Variants in IMMP2L observed in about 807,000 individuals in gnomAD.
IMMP2L encodes inner mitochondrial membrane peptidase subunit 2.
IMMP2L carries 18 observed loss-of-function variants against 19.3 expected under a neutral mutation model. That is an observed-to-expected ratio of 0.93 (90% CI 0.64 to 1.38). The LOEUF (loss-of-function observed/expected upper bound fraction) is 1.38, where lower values mean the gene tolerates loss of function less well. Among genes scored for constraint, IMMP2L ranks in the 40% most tolerant of loss-of-function variants. The pLI, the probability that IMMP2L is intolerant of heterozygous loss-of-function variation, is 0.00. For missense variants in IMMP2L, 233 were observed against 218.2 expected, an observed-to-expected ratio of 1.07 and a Z score of -0.43; for synonymous variants, 76 against 73.0, an observed-to-expected ratio of 1.04 and a Z score of -0.21.
At chr7:111,338,871 C>A (rs764119272) in intron 3 of IMMP2L, among the ~76,000 whole-genome samples, 13 of 152,188 alleles carry the variant, frequency 8.5e-5, no homozygotes, top group Admixed American at 1.3e-4. Context: ...TTGCAGTTGG[C>A]AACAAGCTTC....
intron 5 of IMMP2L, among the ~76,000 whole-genome samples, chr7:110,830,400 A>C (rs551299686): frequency 6.6e-6 from 1 of 152,226 alleles, no homozygotes; most frequent in African/African-American, 2.4e-5. Context: ...TTCTAAAAAA[A>C]AACAGTCTAT....
At position 110,854,793 on chromosome 7, in the gene IMMP2L, G is replaced by A. The variant is rs191291411; in HGVS notation, c.408+31800C>T. ...TTGCTTGAGTCTCTAATAACTGCTC[G>A]TTTACTCATCTCTGCCTCATACTAG... is the stretch of plus-strand genomic sequence containing the variant. On this transcript the variant is annotated intron_variant, in intron 5 of 5. Coordinates refer to ENST00000405709, the MANE Select transcript of IMMP2L (RefSeq NM_032549.4). Among the ~76,000 whole-genome samples, 278 of 151,960 alleles carry A rather than the reference G, an allele frequency of 1.8e-3. 2 individuals carry two copies. The highest frequency in any genetic ancestry group is 1.6e-3 in the Non-Finnish European group (107 of 67,900).
At chr7:111,059,258 A>AT (rs1402022190) in intron 3 of IMMP2L, among the ~76,000 whole-genome samples, 3 of 152,210 alleles carry the variant, frequency 2.0e-5, no homozygotes, top group Admixed American at 1.3e-4. Flanking sequence ...CAGGGATTAC[A>AT]GGCATGAGCC....
At chr7:111,556,800 T>C (rs980851619) in intron 1 of IMMP2L, among the ~76,000 whole-genome samples, 3 of 152,124 alleles carry the variant, frequency 2.0e-5, no homozygotes, top group Non-Finnish European at 2.9e-5. Flanking sequence ...GATACTTCAG[T>C]TACTCTCCAT....
intron 3 of IMMP2L, among the ~76,000 whole-genome samples, chr7:111,068,812 A>G (rs1357941843): frequency 1.3e-5 from 2 of 152,204 alleles, no homozygotes; most frequent in Non-Finnish European, 2.9e-5. Flanking sequence ...AGAACAAACC[A>G]TGAGATCATT....
At chr7:111,486,948 A>G (rs1372403134) in intron 3 of IMMP2L, among the ~76,000 whole-genome samples, 1 of 152,168 alleles carries the variant, frequency 6.6e-6, no homozygotes, top group Non-Finnish European at 1.5e-5. Context: ...AAATTTCAAA[A>G]TATTCCAAAG....
At chr7:111,162,739 CTT>C (rs1303386342) in intron 3 of IMMP2L, among the ~76,000 whole-genome samples, 3 of 151,238 alleles carry the variant, frequency 2.0e-5, no homozygotes, top group African/African-American at 7.3e-5. Flanking sequence ...TGACCAAACT[CTT>C]GTCAGAATCC....
intron 3 of IMMP2L, among the ~76,000 whole-genome samples, chr7:111,422,795 C>T (rs768355371): frequency 4.6e-5 from 7 of 151,762 alleles, no homozygotes; most frequent in Non-Finnish European, 7.4e-5. Context: ...TGTCTTGTGT[C>T]GGTTTTCAAA....
Position 110,874,327 on chromosome 7 carries a change from T to A in IMMP2L, c.408+12266A>T, listed in dbSNP as rs566297214. 2.6e-5 allele frequency among the ~76,000 whole-genome samples: 4 copies of A among 152,142 alleles called. No homozygotes were observed. In the East Asian group the frequency reaches 7.7e-4, roughly 29 times the overall value. ...GGTAGTCTCTATATACACAAGTATA[T>A]CCTACTTAAATTCTTTCCATAATGG... On this transcript the variant is annotated intron_variant, in intron 5 of 5. Transcript: ENST00000405709.
At chr7:111,535,539 A>G (rs1847810211) in intron 1 of IMMP2L, among the ~76,000 whole-genome samples, 1 of 152,154 alleles carries the variant, frequency 6.6e-6, no homozygotes, top group African/African-American at 2.4e-5. Context: ...TAAACAAGGG[A>G]GTGAATTAAA....
chr7:111,281,687 C>T (rs1819901884), intron 3 of IMMP2L, among the ~76,000 whole-genome samples: 2 of 152,030 alleles, frequency 1.3e-5, no homozygotes, highest in South Asian at 2.1e-4. Flanking sequence ...GAAAATGTAC[C>T]AACATTCTGT....
chr7:110,815,659 A>C (rs1802436904), intron 5 of IMMP2L, among the ~76,000 whole-genome samples: 1 of 152,142 alleles, frequency 6.6e-6, no homozygotes, highest in African/African-American at 2.4e-5. Flanking sequence ...TTACTGGTCT[A>C]TTCAGAGATT....
At chr7:111,201,216 A>C (rs1396068316) in intron 3 of IMMP2L, among the ~76,000 whole-genome samples, 4 of 152,048 alleles carry the variant, frequency 2.6e-5, no homozygotes, top group Admixed American at 6.6e-5. Flanking sequence ...GCATGCCTAC[A>C]TCCTACTACT....
intron 3 of IMMP2L, among the ~76,000 whole-genome samples, chr7:111,010,668 G>A (rs955551459): frequency 2.0e-5 from 3 of 152,112 alleles, no homozygotes; most frequent in Non-Finnish European, 4.4e-5. Context: ...ACTGGGGTTT[G>A]TGGACATTTG....
rs141924828 is a variant in IMMP2L at position 111,559,512 on chromosome 7, G to A, written c.-3+2339C>T. Among the ~76,000 whole-genome samples the A allele has an allele frequency of 1.7e-3, 257 of 152,124 alleles. 2 individuals are homozygous for A. Among genetic ancestry groups the A allele is most frequent in the African/African-American group, 6.0e-3 (247 of 41,498 alleles). On this transcript the variant is annotated intron_variant, in intron 1 of 5. Transcript: ENST00000405709. ...TTCAAGCTGACACTCTTTATCCAAG[G>A]CTGTGGAATGATCTGATAAGGCCAC...
At chr7:111,383,582 C>G (rs1374648149) in intron 3 of IMMP2L, among the ~76,000 whole-genome samples, 1 of 152,084 alleles carries the variant, frequency 6.6e-6, no homozygotes, top group Non-Finnish European at 1.5e-5. Flanking sequence ...GGCTATCCAG[C>G]CTTTGTCCAC....
chr7:110,814,441 A>T (rs891117457), intron 5 of IMMP2L, among the ~76,000 whole-genome samples: 1 of 150,910 alleles, frequency 6.6e-6, no homozygotes, highest in Middle Eastern at 3.2e-3. Context: ...AAAAAAAAAA[A>T]CTATATAGTA....
At position 111,209,504 on chromosome 7, in the gene IMMP2L, T is replaced by C. The variant is rs760709182; in HGVS notation, c.240-245939A>G. ...AAAACTCATATTTACATTTAATTTA[T>C]TCACATATCAATACAGTATTTCTCT... On this transcript the variant is annotated intron_variant, in intron 3 of 5. Coordinates refer to ENST00000405709, the MANE Select transcript of IMMP2L (RefSeq NM_032549.4). Among the ~76,000 whole-genome samples, 3 of 152,128 alleles carry C rather than the reference T, an allele frequency of 2.0e-5. No individual in the cohort carries two copies. The South Asian group carries it at 6.2e-4, about 32-fold the overall frequency.
chr7:110,825,805 A>G (rs939419158), intron 5 of IMMP2L, among the ~76,000 whole-genome samples: 16 of 152,214 alleles, frequency 1.1e-4, no homozygotes, highest in Admixed American at 9.2e-4. Flanking sequence ...AAACACCAAA[A>G]GCAATGGCAA....
Sources: allele counts gnomAD v4.1 joint callset (sites outside exome capture counted in the v4.1 genomes callset), GRCh38; gene constraint gnomAD v4.1.1; transcripts MANE v1.5; gene names NCBI Gene and HGNC (gene_info 2026-07-23, HGNC 2026-07-21).